SMYD3: variants seen among roughly 807,000 people sequenced by gnomAD.
SMYD3 encodes the protein SET and MYND domain containing 3.
A neutral mutation model predicts 57.7 loss-of-function variants in SMYD3; 36 were observed. That is an observed-to-expected ratio of 0.62 (90% CI 0.48 to 0.82). The LOEUF (loss-of-function observed/expected upper bound fraction) is 0.82. Ranked by LOEUF, SMYD3 falls within the 40% of genes least tolerant of loss-of-function variation. The pLI is 0.00. For missense variants in SMYD3, 515 were observed against 538.8 expected, an observed-to-expected ratio of 0.96 and a Z score of 0.44; for synonymous variants, 211 against 195.0, an observed-to-expected ratio of 1.08 and a Z score of -0.68.
At chr1:246,204,751 A>ATGCTTAACAT (rs774229993) in intron 5 of SMYD3, among the ~76,000 whole-genome samples, 1 of 152,238 alleles carries the variant, frequency 6.6e-6, no homozygotes, top group African/African-American at 2.4e-5. Flanking sequence ...ATTTATCTGC[A>ATGCTTAACAT]TGCTTAACAT....
chr1:246,294,881 G>A (rs1321007799), intron 5 of SMYD3, among the ~76,000 whole-genome samples: 1 of 152,194 alleles, frequency 6.6e-6, no homozygotes, highest in Non-Finnish European at 1.5e-5. Flanking sequence ...TTACAGGCAT[G>A]AGCCATCGTG....
intron 1 of SMYD3, among the ~76,000 whole-genome samples, chr1:246,408,193 A>G (rs948260393): frequency 6.6e-6 from 1 of 151,830 alleles, no homozygotes; most frequent in Non-Finnish European, 1.5e-5. Context: ...GGACACAAAC[A>G]CTCTGACCAC....
chr1:245,817,105 A>G (rs1290182161), intron 10 of SMYD3, among the ~76,000 whole-genome samples: 1 of 151,404 alleles, frequency 6.6e-6, no homozygotes, highest in Non-Finnish European at 1.5e-5. Flanking sequence ...GGCACAGACA[A>G]ACAAAAACAC....
chr1:245,799,496 C>T (rs1357290991), intron 10 of SMYD3, among the ~76,000 whole-genome samples: 2 of 36,478 alleles, frequency 5.5e-5, no homozygotes, highest in African/African-American at 2.5e-4. Flanking sequence ...TAAATGGACT[C>T]GAATGCGTGA....
At position 245,817,872 on chromosome 1, in the gene SMYD3, C is replaced by T. The variant is rs375009507; in HGVS notation, c.1076+40624G>A. Among the ~76,000 whole-genome samples the T allele has an allele frequency of 7.5e-3, 1,141 of 151,750 alleles. 18 individuals are homozygous for T. The highest frequency in any genetic ancestry group is 0.025 in the African/African-American group (1,054 of 41,454). ...AAAAAGAATAAAAAGAAATGAGCAA[C>T]GCCTCCAAGAAATATGGGACTATGT... On this transcript the variant is annotated intron_variant, in intron 10 of 11. Transcript: ENST00000490107.
rs562472900 is a variant in SMYD3, at chr1:245,806,805, G to A, written c.1077-42656C>T. ...GGCGCCTGTAGTCCCAGCTACTCGG[G>A]AGGCTGAGGCAGGAGAATGGCGTGA... is the stretch of plus-strand genomic sequence containing the variant. On this transcript the variant is annotated intron_variant, in intron 10 of 11. Coordinates refer to ENST00000490107, the MANE Select transcript of SMYD3 (RefSeq NM_001167740.2). 3.3e-5 allele frequency among the ~76,000 whole-genome samples: 5 copies of A among 151,094 alleles called. No individual in the cohort carries two copies. The South Asian group carries it at 1.0e-3, about 32-fold the overall frequency.
chr1:246,083,250 C>T (rs1238160648), intron 5 of SMYD3, among the ~76,000 whole-genome samples: 3 of 152,064 alleles, frequency 2.0e-5, no homozygotes, highest in Non-Finnish European at 4.4e-5. Flanking sequence ...TCTACTGAGA[C>T]AGGGGAAAAC....
chr1:246,041,543 T>A (rs534644984), intron 5 of SMYD3, among the ~76,000 whole-genome samples: 10 of 152,358 alleles, frequency 6.6e-5, no homozygotes, highest in African/African-American at 2.4e-4. Flanking sequence ...CCTGGGCATG[T>A]ATCCCAGTGT....
intron 5 of SMYD3, among the ~76,000 whole-genome samples, chr1:245,968,854 G>A (rs890828118): frequency 6.6e-6 from 1 of 152,108 alleles, no homozygotes; most frequent in Non-Finnish European, 1.5e-5. Flanking sequence ...CTCCTGTGCC[G>A]TTCATCAGTG....
At chr1:246,021,669 A>T (rs2059472607) in intron 5 of SMYD3, among the ~76,000 whole-genome samples, 1 of 152,174 alleles carries the variant, frequency 6.6e-6, no homozygotes, top group East Asian at 1.9e-4. Flanking sequence ...ACCCTGATTA[A>T]TTATCACTCC....
At chr1:246,332,722 C>A (rs2065480580) in intron 3 of SMYD3, among the ~76,000 whole-genome samples, 1 of 152,168 alleles carries the variant, frequency 6.6e-6, no homozygotes, top group Non-Finnish European at 1.5e-5. Flanking sequence ...GCAGGACAAT[C>A]GCTTGAGCCT....
chr1:245,909,141 G>A (rs966427383), intron 8 of SMYD3, among the ~76,000 whole-genome samples: 6 of 152,174 alleles, frequency 3.9e-5, no homozygotes, highest in Admixed American at 1.3e-4. Context: ...AGATTCCCCA[G>A]AAATTCAAAG....
At chr1:246,482,171 A>G (rs1341509060) in intron 1 of SMYD3, among the ~76,000 whole-genome samples, 1 of 152,080 alleles carries the variant, frequency 6.6e-6, no homozygotes, top group Non-Finnish European at 1.5e-5. Context: ...AGCAAAAAAA[A>G]ATTCCGTAAC....
At chr1:246,195,334 T>C (rs553994629) in intron 5 of SMYD3, among the ~76,000 whole-genome samples, 2 of 152,328 alleles carry the variant, frequency 1.3e-5, no homozygotes, top group African/African-American at 4.8e-5. Context: ...GAAAATGCTA[T>C]ACCTGAAATA....
chr1:246,294,308 G>A (rs942368985), intron 5 of SMYD3, among the ~76,000 whole-genome samples: 3 of 152,154 alleles, frequency 2.0e-5, no homozygotes, highest in East Asian at 1.9e-4. Context: ...AGCAACCAGG[G>A]CCCACTATGT....
chr1:246,348,077 T>TATATATATATACACATAC lies in SMYD3; in HGVS notation c.228+6953_228+6954insGTATGTGTATATATATAT. 4.0e-3 allele frequency among the ~76,000 whole-genome samples: 346 copies of TATATATATATACACATAC among 86,524 alleles called. 24 individuals carry two copies. The highest frequency in any genetic ancestry group is 0.012 in the African/African-American group (310 of 25,036). 56.8% of individuals were successfully genotyped at this position (86,524 alleles called of 152,430 possible). Reference sequence around the variant, plus strand: ...AGAAAACGTTATATATATATATATATACACACACACCATCAAATACTATGA... The same window carrying TATATATATATACACATAC: ...AGAAAACGTTATATATATATATATATATATATATATACACATACACACACACACCATCAAATACTATGA... On this transcript the variant is annotated intron_variant, in intron 2 of 11. Coordinates refer to ENST00000490107, the MANE Select transcript of SMYD3 (RefSeq NM_001167740.2).
At chr1:245,754,972 T>G (rs1374278230) in intron 11 of SMYD3, among the ~76,000 whole-genome samples, 2 of 152,172 alleles carry the variant, frequency 1.3e-5, no homozygotes. Flanking sequence ...TGTGGTGAGC[T>G]CAGGTCTGTG....
At chr1:246,469,400 G>A (rs1256287130) in intron 1 of SMYD3, among the ~76,000 whole-genome samples, 1 of 152,206 alleles carries the variant, frequency 6.6e-6, no homozygotes, top group Admixed American at 6.5e-5. Context: ...GCTGAAACCA[G>A]GCTGAGAAGG....
chr1:246,398,621 A>T (rs2066714766), intron 1 of SMYD3, among the ~76,000 whole-genome samples: 1 of 152,234 alleles, frequency 6.6e-6, no homozygotes, highest in African/African-American at 2.4e-5. Context: ...AATGGTAAAC[A>T]GTACATTCAG....
Sources: allele counts gnomAD v4.1 joint callset (sites outside exome capture counted in the v4.1 genomes callset), GRCh38; gene constraint gnomAD v4.1.1; transcripts MANE v1.5; gene names NCBI Gene and HGNC (gene_info 2026-07-23, HGNC 2026-07-21).